OPHN1: variants seen among roughly 807,000 people sequenced by gnomAD.
OPHN1 encodes oligophrenin 1.
OPHN1 carries 11 observed loss-of-function variants against 60.7 expected under a neutral mutation model. The ratio of observed to expected loss-of-function variants is 0.18; its 90% CI spans 0.11 to 0.30. The LOEUF is 0.30. Ranked by LOEUF, OPHN1 falls within the 10% of genes least tolerant of loss-of-function variation. OPHN1 has a pLI of 1.00. For missense variants in OPHN1, 449 were observed against 611.0 expected (o/e 0.73, Z 2.80); for synonymous variants, 226 against 222.6 (o/e 1.02, Z -0.14).
chrX:68,213,531 C>CTTCTGAA (rs2077594435), intron 7 of OPHN1, among the ~76,000 whole-genome samples: 3 of 108,853 alleles, frequency 2.8e-5, no homozygotes, highest in Non-Finnish European at 3.8e-5. Context: ...GAAAGACTTT[C>CTTCTGAA]AGAAGCTTCT....
At chrX:68,279,131 T>C (rs1253154621) in intron 4 of OPHN1, among the ~76,000 whole-genome samples, 1 of 82,856 alleles carries the variant, frequency 1.2e-5, no homozygotes, top group Non-Finnish European at 2.4e-5. Flanking sequence ...TTTTTTTTTT[T>C]TTTTGGCAGG....
chrX:68,432,438 C>A (rs988288091), intron 2 of OPHN1, among the ~76,000 whole-genome samples: 2 of 111,899 alleles, frequency 1.8e-5, no homozygotes, highest in African/African-American at 6.5e-5. Context: ...GAGACCAGGA[C>A]AAAATTATTA....
At chrX:68,254,151 G>A (rs995055843) in intron 5 of OPHN1, among the ~76,000 whole-genome samples, 23 of 111,433 alleles carry the variant, frequency 2.1e-4, no homozygotes, top group African/African-American at 7.5e-4. Flanking sequence ...CTGTGGAACA[G>A]TGCTTAAGAC....
In OPHN1 at chrX:68,254,845, C is replaced by T. The variant is rs1200067405; in HGVS notation, c.384+19893G>A. The stretch of plus-strand genomic sequence containing the variant: ...CAGCCTGGGCAACATGGTGAAACCC[C>T]GTCTCTGCCAAAAAATCCAAAAATT... On this transcript the variant is annotated intron_variant, in intron 5 of 24. Transcript: ENST00000355520. Among the ~76,000 whole-genome samples the T allele has an allele frequency of 1.5e-4, 16 of 108,985 alleles. No individual in the cohort carries two copies. The Admixed American group carries it at 1.6e-3, about 11-fold the overall frequency. The allele number at this position is 108,985 out of a possible 115,157, so 94.6% of individuals were successfully genotyped here.
chrX:68,398,960 AGTGTGTGT>A lies in OPHN1; in HGVS notation c.154+33899_154+33906del, dbSNP rs113103699. ...CAAGACTCTGTCTCAAAACAAAAAA[AGTGTGTGT>A]GTGTGTGTGTGTGTGTGTGTGTGTG... On this transcript the variant is annotated intron_variant, in intron 2 of 24. Transcript: ENST00000355520. Among the ~76,000 whole-genome samples the A allele has an allele frequency of 3.3e-3, 318 of 95,203 alleles. 1 individual carries two copies. The highest frequency in any genetic ancestry group is 5.2e-3 in the African/African-American group (134 of 25,819). The allele number at this position is 95,203 out of a possible 115,157, so 82.7% of individuals were successfully genotyped here. A position where few individuals can be genotyped will look rare whatever the true frequency, so the allele number is the denominator to read the frequency against.
chrX:68,252,392 A>C (rs2077840429), intron 5 of OPHN1, among the ~76,000 whole-genome samples: 1 of 112,084 alleles, frequency 8.9e-6, no homozygotes, highest in African/African-American at 3.2e-5. Context: ...AAGAACTAAA[A>C]ATCTGAGCCC....
chrX:68,094,949 T>C (rs2077032787), intron 19 of OPHN1, among the ~76,000 whole-genome samples: 1 of 111,186 alleles, frequency 9.0e-6, no homozygotes, highest in Non-Finnish European at 1.9e-5. Flanking sequence ...TATCGATCTC[T>C]GCTGAAAGGT....
At chrX:68,136,310 T>G (rs868273415) in intron 15 of OPHN1, among the ~76,000 whole-genome samples, 586 of 76,035 alleles carry the variant, frequency 7.7e-3, no homozygotes, top group Middle Eastern at 0.03. Flanking sequence ...TTTTTTTTTT[T>G]TTTTTGTTTT....
intron 2 of OPHN1, among the ~76,000 whole-genome samples, chrX:68,347,023 A>T (rs2078382404): frequency 8.9e-6 from 1 of 112,156 alleles, no homozygotes; most frequent in Admixed American, 9.5e-5. Context: ...CACAAATATG[A>T]CACATGCTAT....
intron 2 of OPHN1, among the ~76,000 whole-genome samples, chrX:68,383,901 C>T (rs1367401098): frequency 9.0e-6 from 1 of 110,932 alleles, no homozygotes. Flanking sequence ...GCAACTTGAC[C>T]AGGGAGTGAG....
chrX:68,397,527 T>A (rs1295446524), intron 2 of OPHN1, among the ~76,000 whole-genome samples: 18 of 90,037 alleles, frequency 2.0e-4, no homozygotes, highest in South Asian at 1.0e-3. Flanking sequence ...TTTATTTATT[T>A]TTTTTTTTTT....
intron 18 of OPHN1, 32 bp downstream of exon 18, chrX:68,111,822 G>T: frequency 9.7e-7 from 1 of 1,028,478 alleles, no homozygotes; most frequent in Non-Finnish European, 1.4e-6. Flanking sequence ...CCTCTAATAG[G>T]AACTTTTTCT....
intron 16 of OPHN1, 92 bp from the exon 17 acceptor site, chrX:68,113,331 A>C: frequency 1.5e-6 from 1 of 685,772 alleles, no homozygotes; most frequent in Non-Finnish European, 2.3e-6. Context: ...GAAGTTCCTG[A>C]GCCCTACAGC....
At chrX:68,124,695 C>T (rs2077162933) in intron 15 of OPHN1, among the ~76,000 whole-genome samples, 1 of 110,958 alleles carries the variant, frequency 9.0e-6, no homozygotes, top group African/African-American at 3.3e-5. Context: ...CTCACTCCAC[C>T]ACCCAGGCTG....
chrX:68,370,011 AATATATATATATATATATAT>A (rs761607454), intron 2 of OPHN1, among the ~76,000 whole-genome samples: 8 of 64,385 alleles, frequency 1.2e-4, no homozygotes, highest in African/African-American at 6.2e-4. Flanking sequence ...AAATTGCTGA[AATATATATATATATATATAT>A]ATATATATAT....
intron 15 of OPHN1, among the ~76,000 whole-genome samples, chrX:68,124,000 A>G (rs1468721244): frequency 9.0e-6 from 1 of 111,207 alleles, no homozygotes; most frequent in Non-Finnish European, 1.9e-5. Context: ...AAACACATTT[A>G]TCCTGTAAAG....
intron 2 of OPHN1, among the ~76,000 whole-genome samples, chrX:68,369,665 G>C (rs1484335502): frequency 9.1e-6 from 1 of 109,655 alleles, no homozygotes; most frequent in Non-Finnish European, 1.9e-5. Flanking sequence ...AACAGTCTAA[G>C]GGTCATTGAG....
At chrX:68,419,158 C>T in intron 2 of OPHN1, among the ~76,000 whole-genome samples, 1 of 110,149 alleles carries the variant, frequency 9.1e-6, no homozygotes, top group Non-Finnish European at 1.9e-5. Context: ...CAGGTGCCTG[C>T]CACCATGCCC....
chrX:68,171,969 C>A (rs189574848), intron 15 of OPHN1, among the ~76,000 whole-genome samples: 1 of 110,867 alleles, frequency 9.0e-6, no homozygotes, highest in Admixed American at 9.7e-5. Flanking sequence ...AAATAATGAA[C>A]GTTGGTGAGG....
Sources: allele counts gnomAD v4.1 joint callset (sites outside exome capture counted in the v4.1 genomes callset), GRCh38; gene constraint gnomAD v4.1.1; transcripts MANE v1.5; gene names NCBI Gene and HGNC (gene_info 2026-07-23, HGNC 2026-07-21).